Variants in CMSS1 observed in about 807,000 individuals in gnomAD.
The protein encoded by CMSS1 is cms1 ribosomal small subunit homolog.
Under a neutral mutation model 43.5 loss-of-function variants are expected in CMSS1, and 33 were observed. That is an observed-to-expected ratio of 0.76 (90% CI 0.57 to 1.01). The LOEUF (loss-of-function observed/expected upper bound fraction) is 1.01. Among genes scored for constraint, CMSS1 ranks in the 50% least tolerant of loss-of-function variants. The pLI, the probability that CMSS1 is intolerant of heterozygous loss-of-function variation, is 0.00. For missense variants in CMSS1, 313 were observed against 326.4 expected (o/e 0.96, Z 0.32); for synonymous variants, 115 against 117.2 (o/e 0.98, Z 0.12).
At chr3:99,877,216 G>A (rs1705565280) in intron 1 of CMSS1, among the ~76,000 whole-genome samples, 1 of 152,166 alleles carries the variant, frequency 6.6e-6, no homozygotes, top group South Asian at 2.1e-4. Context: ...AGTAATTTTA[G>A]TAGCTTGAGT....
chr3:99,913,824 C>A (rs1292107231), intron 1 of CMSS1, among the ~76,000 whole-genome samples: 1 of 152,164 alleles, frequency 6.6e-6, no homozygotes, highest in African/African-American at 2.4e-5. Flanking sequence ...ACGTAGAAAA[C>A]ACATATTCAG....
chr3:100,108,393 T>G (rs151246882), intron 1 of CMSS1, among the ~76,000 whole-genome samples: 1 of 152,186 alleles, frequency 6.6e-6, no homozygotes, highest in South Asian at 2.1e-4. Flanking sequence ...GCTTATTACT[T>G]ACCAAGGCAG....
intron 1 of CMSS1, among the ~76,000 whole-genome samples, chr3:99,824,547 C>G (rs1232160132): frequency 6.6e-6 from 1 of 152,164 alleles, no homozygotes; most frequent in Non-Finnish European, 1.5e-5. Flanking sequence ...GTTAGTTAAC[C>G]AATTAATTAT....
At chr3:100,033,552 T>A (rs2065055459) in intron 1 of CMSS1, among the ~76,000 whole-genome samples, 1 of 152,218 alleles carries the variant, frequency 6.6e-6, no homozygotes, top group South Asian at 2.1e-4. Flanking sequence ...TTAACTTGCC[T>A]GCACCAAATC....
At chr3:100,163,635 T>G (rs758405417) in intron 4 of CMSS1, among the ~76,000 whole-genome samples, 29 of 152,116 alleles carry the variant, frequency 1.9e-4, no homozygotes, top group Non-Finnish European at 4.1e-4. Flanking sequence ...CTCCTGGGCT[T>G]AAGTGGATCC....
chr3:99,861,107 G>A (rs887768629), intron 1 of CMSS1, among the ~76,000 whole-genome samples: 2 of 151,832 alleles, frequency 1.3e-5, no homozygotes, highest in Non-Finnish European at 2.9e-5. Flanking sequence ...TCTGAATTGG[G>A]GTTCTTGATT....
intron 1 of CMSS1, among the ~76,000 whole-genome samples, chr3:99,906,954 G>A (rs927188479): frequency 6.6e-6 from 1 of 152,210 alleles, no homozygotes; most frequent in Admixed American, 6.5e-5. Context: ...GTTTCATGGA[G>A]CAGAACGACT....
At chr3:99,875,015 T>G (rs1705439253) in intron 1 of CMSS1, among the ~76,000 whole-genome samples, 1 of 152,200 alleles carries the variant, frequency 6.6e-6, no homozygotes, top group South Asian at 2.1e-4. Context: ...TTATAAAACA[T>G]AGAGACTGTT....
chr3:100,087,214 G>A (rs1369666546), intron 1 of CMSS1, among the ~76,000 whole-genome samples: 1 of 152,214 alleles, frequency 6.6e-6, no homozygotes, highest in Non-Finnish European at 1.5e-5. Context: ...GTTTCTCTAG[G>A]AGTGGAATTA....
chr3:99,903,438 G>A (rs1358276633), intron 1 of CMSS1, among the ~76,000 whole-genome samples: 6 of 152,016 alleles, frequency 3.9e-5, no homozygotes, highest in Admixed American at 2.0e-4. Context: ...TTTTAGTAGA[G>A]ACGGGGTTTC....
chr3:100,132,797 C>A (rs1352878172), intron 1 of CMSS1, among the ~76,000 whole-genome samples: 3 of 123,976 alleles, frequency 2.4e-5, no homozygotes, highest in Non-Finnish European at 4.7e-5. Flanking sequence ...CCAGCCTGGG[C>A]GACAGAGCAA....
At chr3:100,156,612 GTTTGTT>G (rs1223189824) in intron 2 of CMSS1, among the ~76,000 whole-genome samples, 1 of 147,430 alleles carries the variant, frequency 6.8e-6, no homozygotes, top group Non-Finnish European at 1.5e-5. Context: ...CAGCCTTTTT[GTTTGTT>G]TTTGTTTTTG....
chr3:100,132,925 G>A (rs2066721966), intron 1 of CMSS1, among the ~76,000 whole-genome samples: 1 of 151,536 alleles, frequency 6.6e-6, no homozygotes, highest in Non-Finnish European at 1.5e-5. Context: ...ATATTAGAAA[G>A]GTAATATTCA....
chr3:100,108,076 A>G (rs2066424652), intron 1 of CMSS1, among the ~76,000 whole-genome samples: 1 of 152,070 alleles, frequency 6.6e-6, no homozygotes. Context: ...TGTACTCTAG[A>G]GCACTGGTTC....
intron 1 of CMSS1, among the ~76,000 whole-genome samples, chr3:99,870,973 C>G (rs994324195): frequency 1.3e-5 from 2 of 152,140 alleles, no homozygotes; most frequent in East Asian, 1.9e-4. Flanking sequence ...TCCATGCCCC[C>G]GGGTGACTCA....
At chr3:99,945,461 A>G (rs930744754) in intron 1 of CMSS1, among the ~76,000 whole-genome samples, 1 of 152,170 alleles carries the variant, frequency 6.6e-6, no homozygotes, top group Non-Finnish European at 1.5e-5. Context: ...AGGGCAGCCA[A>G]GAGTGCGTGT....
chr3:100,141,640 A>T (rs1161937084), intron 1 of CMSS1: 1 of 447,818 alleles, frequency 2.2e-6, no homozygotes, highest in East Asian at 7.0e-5. Context: ...GAAGGTAGGG[A>T]TTGAGGTAAA....
At chr3:100,135,428 GTGTGTGTGCA>G (rs1363996817) in intron 1 of CMSS1, among the ~76,000 whole-genome samples, 27 of 148,872 alleles carry the variant, frequency 1.8e-4, no homozygotes, top group African/African-American at 5.7e-4. Context: ...GAGCCTTTGT[GTGTGTGTGCA>G]TGTGTGTGTG....
At chr3:99,996,599 A>C (rs1380528331) in intron 1 of CMSS1, among the ~76,000 whole-genome samples, 1 of 150,800 alleles carries the variant, frequency 6.6e-6, no homozygotes, top group Non-Finnish European at 1.5e-5. Context: ...GACTGGGAAG[A>C]AAAAGAGGTT....
Sources: allele counts gnomAD v4.1 joint callset (sites outside exome capture counted in the v4.1 genomes callset), GRCh38; gene constraint gnomAD v4.1.1; transcripts MANE v1.5; gene names NCBI Gene and HGNC (gene_info 2026-07-23, HGNC 2026-07-21).